LSM2: variants seen among roughly 807,000 people sequenced by gnomAD.
LSM2 encodes LSM2 homolog, U6 small nuclear RNA and mRNA degradation associated.
In LSM2, 12 loss-of-function variants were observed where a neutral mutation model predicts 17.0. That is an observed-to-expected ratio of 0.70 (90% CI 0.45 to 1.14). The LOEUF is 1.14. Ranked by LOEUF, LSM2 falls within the 50% of genes most tolerant of loss-of-function variation. The pLI is 0.00. For synonymous variants in LSM2, 42 were observed against 44.5 expected (o/e 0.94, Z 0.22); for missense variants, 62 against 111.8 (o/e 0.55, Z 2.01).
chr6:31,800,262 G>A (rs998084833), intron 2 of LSM2, among the ~76,000 whole-genome samples: 5 of 152,106 alleles, frequency 3.3e-5, no homozygotes, highest in African/African-American at 1.2e-4. Flanking sequence ...CTTGAACCCG[G>A]GAGGTGGAGG....
chr6:31,799,828 C>T (rs1814592917), intron 2 of LSM2, among the ~76,000 whole-genome samples: 1 of 152,074 alleles, frequency 6.6e-6, no homozygotes, highest in African/African-American at 2.4e-5. Flanking sequence ...ATCCTCGAGC[C>T]CCTTGAAATG....
intron 2 of LSM2, among the ~76,000 whole-genome samples, chr6:31,801,808 GGAGA>G (rs1190176825): frequency 6.6e-6 from 1 of 151,088 alleles, no homozygotes; most frequent in Non-Finnish European, 1.5e-5. Flanking sequence ...GGAAAAAAAA[GGAGA>G]AAGATCTTCT....
intron 2 of LSM2, among the ~76,000 whole-genome samples, chr6:31,800,243 G>A (rs1814615715): frequency 1.3e-5 from 2 of 152,130 alleles, no homozygotes. Flanking sequence ...GGCTGAAGCA[G>A]GAGAATCACT....
chr6:31,797,831 GCTGCACGTATCGGACCA>G lies in LSM2; in HGVS notation c.197_213del (p.Val66AlafsTer5). On this transcript the variant is annotated frameshift_variant, in exon 5 of 5. Coordinates refer to ENST00000375661, the MANE Select transcript of LSM2 (RefSeq NM_021177.5). LOFTEE classifies it high-confidence loss of function. ...TGTGTGTCGACCTCATCTGCTGGCA[GCTGCACGTATCGGACCA>G]CTGAGCCCCGAATGAAGCAGTTCTT... 6.2e-7 allele frequency: 1 copy of G among 1,613,016 alleles called. No individual in the cohort carries two copies. Among genetic ancestry groups the G allele is most frequent in the Admixed American group, 1.7e-5 (1 of 59,980 alleles).
chr6:31,797,826 T>G lies in LSM2; in HGVS notation c.219A>C (p.Pro73=), dbSNP rs1814465841. ...GCAACTGTGTGTCGACCTCATCTGC[T>G]GGCAGCTGCACGTATCGGACCACTG... ...RGSVVRYVQL[P]ADEVDTQLLQ... Residue 73 remains proline, a synonymous_variant, in exon 5 of 5, where the codon CCA becomes CCC. Coordinates refer to ENST00000375661, the MANE Select transcript of LSM2 (RefSeq NM_021177.5). 1 of 1,612,930 alleles carries G rather than the reference T, an allele frequency of 6.2e-7. No homozygotes were observed. The highest frequency in any genetic ancestry group is 1.3e-5 in the African/African-American group (1 of 74,918).
Position 31,798,001 on chromosome 6 carries a change from A to G in LSM2, c.151T>C (p.Tyr51His). ...AGACCCCAACTCACCATGTGAGGGTATTTCTCAGGGTCTGTGACACTGATG... is the reference window on the plus strand; with the variant it reads ...AGACCCCAACTCACCATGTGAGGGTGTTTCTCAGGGTCTGTGACACTGATG... Reference protein sequence around the residue: ...TDISVTDPEKYPHMLSVKNCF... With the variant: ...TDISVTDPEKHPHMLSVKNCF... Residue 51 changes from tyrosine (Y) to histidine (H), a missense_variant, in exon 4 of 5, where the codon TAC becomes CAC. Physicochemically the swap from Tyr to His is moderately conservative, Grantham distance 83 (BLOSUM62 2). Transcript: ENST00000375661. The G allele has an allele frequency of 1.2e-6, 2 of 1,607,754 alleles. No homozygotes were observed. The highest frequency in any genetic ancestry group is 1.7e-6 in the Non-Finnish European group (2 of 1,177,590).
intron 3 of LSM2, 29 bp from the exon 4 acceptor site, chr6:31,798,078 ATTATTAT>A (rs773715091): frequency 1.5e-5 from 23 of 1,497,518 alleles, no homozygotes; most frequent in Non-Finnish European, 1.8e-5. Flanking sequence ...CACCATTATT[ATTATTAT>A]TTTTTTTTTT....
chr6:31,806,649 T>C, intron 1 of LSM2, 106 bp downstream of exon 1: 1 of 1,418,830 alleles, frequency 7.0e-7, no homozygotes. Context: ...AAGATGAAGA[T>C]AAAAACTCCG....
At chr6:31,798,732 T>TG (rs1814531840) in intron 2 of LSM2, among the ~76,000 whole-genome samples, 2 of 132,748 alleles carry the variant, frequency 1.5e-5, no homozygotes, top group Non-Finnish European at 3.3e-5. Context: ...ACCAATCCAT[T>TG]CTTTTTTTTT....
At position 31,798,527 on chromosome 6, in the gene LSM2, A is replaced by G. The variant is rs780188073; in HGVS notation, c.72-20T>C. 8.7e-6 allele frequency: 14 copies of G among 1,612,416 alleles called. No individual in the cohort carries two copies. Among genetic ancestry groups the G allele is most frequent in the Non-Finnish European group, 1.1e-5 (13 of 1,179,808 alleles). ...CAGATGCTGTCAAGGGCAGAGGGAGAGAAGAATCAAATTAGTTTATAACAA... is the reference window on the plus strand; with the variant it reads ...CAGATGCTGTCAAGGGCAGAGGGAGGGAAGAATCAAATTAGTTTATAACAA... On this transcript the variant is annotated intron_variant, in intron 2 of 4. Coordinates refer to ENST00000375661, the MANE Select transcript of LSM2 (RefSeq NM_021177.5).
chr6:31,798,190 T>C (rs1814496677), intron 3 of LSM2, 141 bp from the exon 4 acceptor site: 1 of 887,026 alleles, frequency 1.1e-6, no homozygotes, highest in Non-Finnish European at 1.6e-6. Flanking sequence ...CAAATGATTT[T>C]CCTGCCTCAG....
chr6:31,801,614 G>T (rs896301343), intron 2 of LSM2, among the ~76,000 whole-genome samples: 1 of 152,000 alleles, frequency 6.6e-6, no homozygotes, highest in Admixed American at 6.6e-5. Flanking sequence ...GGCCAACATG[G>T]TGAAACCCCA....
At chr6:31,803,366 A>C (rs902277432) in intron 2 of LSM2, among the ~76,000 whole-genome samples, 2 of 152,136 alleles carry the variant, frequency 1.3e-5, no homozygotes, top group African/African-American at 4.8e-5. Context: ...CTGCCTCTCC[A>C]AATAATTAAA....
chr6:31,797,777 C>T lies in LSM2; in HGVS notation c.268G>A (p.Ala90Thr), dbSNP rs771019977. ...QLLQDAARKE[A>T]LQQKQ ...AGCCATCACTGTTTCTGCTGCAGGG[C>T]TTCCTTCCTTGCCGCATCCTGTAGC... Residue 90 changes from alanine to threonine, a missense_variant, in exon 5 of 5, where the codon GCC (alanine) becomes ACC (threonine). Coordinates refer to ENST00000375661, the MANE Select transcript of LSM2 (RefSeq NM_021177.5). 2 of 1,612,970 alleles carry T rather than the reference C, an allele frequency of 1.2e-6. No individual in the cohort carries two copies. The highest frequency in any genetic ancestry group is 1.7e-6 in the Non-Finnish European group (2 of 1,180,012).
At chr6:31,804,767 T>TC (rs1814911231) in intron 2 of LSM2, among the ~76,000 whole-genome samples, 2 of 122,358 alleles carry the variant, frequency 1.6e-5, no homozygotes, top group African/African-American at 3.4e-5. Context: ...TTTTTTCTTT[T>TC]TTTTTTTTTT....
Position 31,806,068 on chromosome 6 carries a change from T to A in LSM2, c.71+7A>T, listed in dbSNP as rs771598945. 2.5e-5 allele frequency: 41 copies of A among 1,612,666 alleles called. No homozygotes were observed. Among genetic ancestry groups the A allele is most frequent in the Non-Finnish European group, 3.5e-5 (41 of 1,179,722 alleles). On this transcript the variant is annotated splice_region_variant and intron_variant, in intron 2 of 4. Coordinates refer to ENST00000375661, the MANE Select transcript of LSM2 (RefSeq NM_021177.5). ...CCCCCAACAGACTTGTTGGAACAGG[T>A]ACCTACCTCAGGTCATTCTTTAGTT...
intron 2 of LSM2, among the ~76,000 whole-genome samples, chr6:31,801,673 G>A (rs1024736088): frequency 6.6e-6 from 1 of 152,070 alleles, no homozygotes; most frequent in Non-Finnish European, 1.5e-5. Context: ...GCATGCACCG[G>A]TAATCCCAGC....
chr6:31,802,243 G>A (rs1190274894), intron 2 of LSM2, among the ~76,000 whole-genome samples: 1 of 151,708 alleles, frequency 6.6e-6, no homozygotes, highest in Non-Finnish European at 1.5e-5. Context: ...TCATGCCACT[G>A]CACTCCAACC....
intron 2 of LSM2, among the ~76,000 whole-genome samples, chr6:31,805,512 C>T (rs1814979794): frequency 1.3e-5 from 2 of 151,696 alleles, no homozygotes; most frequent in Admixed American, 6.6e-5. Context: ...TTACAGGCAC[C>T]AGCCACCGTG....
Sources: allele counts gnomAD v4.1 joint callset (sites outside exome capture counted in the v4.1 genomes callset), GRCh38; gene constraint gnomAD v4.1.1; transcripts MANE v1.5; gene names NCBI Gene and HGNC (gene_info 2026-07-23, HGNC 2026-07-21).